GCNT1: variants seen among roughly 807,000 people sequenced by gnomAD.
The protein encoded by GCNT1 is glucosaminyl (N-acetyl) transferase 1.
In GCNT1, 16 loss-of-function variants were observed where a neutral mutation model predicts 26.2. The observed-to-expected ratio is 0.61, with a 90% CI of 0.41 to 0.93. The LOEUF (loss-of-function observed/expected upper bound fraction) is 0.93, where lower values mean the gene tolerates loss of function less well. Among genes scored for constraint, GCNT1 ranks in the 40% least tolerant of loss-of-function variants. The pLI, the probability that GCNT1 is intolerant of heterozygous loss-of-function variation, is 0.00. For missense variants in GCNT1, 477 were observed against 526.7 expected (o/e 0.91, Z 0.92); for synonymous variants, 183 against 190.8 (o/e 0.96, Z 0.34).
upstream of GCNT1, among the ~76,000 whole-genome samples, chr9:76,419,616 C>T (rs1000374798): frequency 6.6e-5 from 10 of 151,800 alleles, no homozygotes; most frequent in South Asian, 6.2e-4. Context: ...CAATATCATG[C>T]GACTACACTC....
intron 2 of GCNT1, among the ~76,000 whole-genome samples, chr9:76,495,672 A>G (rs901301450): frequency 3.3e-5 from 5 of 152,108 alleles, no homozygotes; most frequent in African/African-American, 1.2e-4. Context: ...TGCATTTACA[A>G]TCCTCGACCC....
chr9:76,460,967 A>G (rs1441484758), intron 2 of GCNT1, among the ~76,000 whole-genome samples: 1 of 152,126 alleles, frequency 6.6e-6, no homozygotes, highest in Non-Finnish European at 1.5e-5. Context: ...TTAAGGAGTT[A>G]CTCCTTTTCC....
Position 76,502,807 on chromosome 9 carries a change from C to A in GCNT1, c.426C>A (p.Ala142=). ...AAATGCTTGACAGGCTGCTGAGGGC[C>A]ATCTATATGCCTCAGAATTTCTATT... is the stretch of plus-strand genomic sequence containing the variant. ...KIEMLDRLLR[A]IYMPQNFYCI... is the part of the protein sequence containing the mutation. Residue 142 remains alanine (A), a synonymous_variant, in exon 4 of 4, where the codon GCC becomes GCA. Transcript: ENST00000376730. 6.2e-7 allele frequency: 1 copy of A among 1,614,016 alleles called. No homozygotes were observed. The highest frequency in any genetic ancestry group is 2.2e-5 in the East Asian group (1 of 44,882).
At chr9:76,484,652 G>A (rs1344677914) in intron 2 of GCNT1, among the ~76,000 whole-genome samples, 1 of 152,122 alleles carries the variant, frequency 6.6e-6, no homozygotes, top group African/African-American at 2.4e-5. Context: ...AGTGAAAAGG[G>A]TGCAGAATGG....
chr9:76,396,421 T>A, the GCNT1 span, among the ~76,000 whole-genome samples: 1 of 143,318 alleles, frequency 7.0e-6, no homozygotes, highest in Non-Finnish European at 1.5e-5. Context: ...GAGACTTCCG[T>A]CTATCCAAAA....
intron 1 of GCNT1, among the ~76,000 whole-genome samples, chr9:76,429,184 A>C (rs1027949939): frequency 6.6e-6 from 1 of 152,156 alleles, no homozygotes; most frequent in African/African-American, 2.4e-5. Flanking sequence ...GTACACTATA[A>C]TATACATTTC....
At chr9:76,490,794 C>T (rs532415523) in intron 2 of GCNT1, among the ~76,000 whole-genome samples, 29 of 152,282 alleles carry the variant, frequency 1.9e-4, no homozygotes, top group African/African-American at 6.3e-4. Flanking sequence ...TTACTGAATA[C>T]CCATTGTGTC....
intron 1 of GCNT1, among the ~76,000 whole-genome samples, chr9:76,453,438 CT>C (rs1339061925): frequency 2.6e-5 from 4 of 152,272 alleles, no homozygotes; most frequent in African/African-American, 9.6e-5. Flanking sequence ...CCAAAGAGGC[CT>C]TTGAGGTTCT....
chr9:76,472,288 A>G (rs139400135), intron 2 of GCNT1, among the ~76,000 whole-genome samples: 461 of 152,334 alleles, frequency 3.0e-3, no homozygotes, highest in Non-Finnish European at 5.1e-3. Flanking sequence ...GTCTCAAAGA[A>G]AAAAAGGAAA....
chr9:76,421,438 TA>T (rs1195650838), intron 1 of GCNT1, among the ~76,000 whole-genome samples: 1 of 150,694 alleles, frequency 6.6e-6, no homozygotes, highest in Non-Finnish European at 1.5e-5. Flanking sequence ...CATCTCTATT[TA>T]AAAAAAATAC....
chr9:76,399,954 A>G, the GCNT1 span, among the ~76,000 whole-genome samples: 2 of 152,230 alleles, frequency 1.3e-5, no homozygotes, highest in Non-Finnish European at 2.9e-5. Context: ...ACTGCATATT[A>G]CTAAGTGAAA....
rs57699869 is a variant in GCNT1, at chr9:76,444,385, C to T, written c.-290+2070C>T. 6.7e-3 allele frequency among the ~76,000 whole-genome samples: 1,026 copies of T among 152,106 alleles called. 10 individuals are homozygous for T. The highest frequency in any genetic ancestry group is 0.023 in the African/African-American group (961 of 41,478). On this transcript the variant is annotated intron_variant, in intron 1 of 2. Coordinates refer to the GCNT1 transcript ENST00000442371. ...AAAAGAAGAGATCTGAGGCCTGAGT[C>T]GTGAAGCTCTGCAGGGTTAAGAGGC...
chr9:76,460,516 G>T lies in GCNT1; in HGVS notation c.-290+339G>T, dbSNP rs141348415. Among the ~76,000 whole-genome samples the T allele has an allele frequency of 1.7e-4, 26 of 152,324 alleles. 1 individual carries two copies. In the East Asian group the frequency reaches 5.0e-3, roughly 29 times the overall value. On this transcript the variant is annotated intron_variant, in intron 2 of 3. Coordinates refer to ENST00000376730, the MANE Select transcript of GCNT1 (RefSeq NM_001490.5). ...GGAGGAGGGCTTAGTAGTTTTTAAAGATCAGTGTAAATTACCTGCTAGGAG... is the reference window on the plus strand; with the variant it reads ...GGAGGAGGGCTTAGTAGTTTTTAAATATCAGTGTAAATTACCTGCTAGGAG...
the GCNT1 span, among the ~76,000 whole-genome samples, chr9:76,406,513 AAG>A: frequency 6.6e-6 from 1 of 151,028 alleles, no homozygotes; most frequent in African/African-American, 2.4e-5. Context: ...AAAAAAAAAA[AAG>A]AAAGAAAGAA....
At chr9:76,492,222 C>T (rs1336307943) in intron 2 of GCNT1, among the ~76,000 whole-genome samples, 1 of 152,132 alleles carries the variant, frequency 6.6e-6, no homozygotes, top group Non-Finnish European at 1.5e-5. Context: ...TTGATTCCCT[C>T]CTCAAGCAGC....
In GCNT1 at chr9:76,506,990, C is replaced by T. The variant is rs1130268; in HGVS notation, c.*3322C>T. On this transcript the variant is annotated 3_prime_UTR_variant, in exon 4 of 4. Coordinates refer to ENST00000376730, the MANE Select transcript of GCNT1 (RefSeq NM_001490.5). ...AACCCATTATAATTTGAAAATATCA[C>T]ATTGAAAATGCATTTAATATCTCTT... The T allele has an allele frequency of 0.5, 83,120 of 166,862 alleles. 20,923 individuals are homozygous for T. The highest frequency in any genetic ancestry group is 0.64 in the East Asian group (3,312 of 5,172). The allele number at this position is 166,862 out of a possible 1,614,324, so 10.3% of individuals were successfully genotyped here.
At chr9:76,413,653 G>GTTTTTTTTTTTTTTGTTTTTTTTTTTT in the GCNT1 span, among the ~76,000 whole-genome samples, 1 of 118,664 alleles carries the variant, frequency 8.4e-6, no homozygotes, top group Non-Finnish European at 1.8e-5. Context: ...GTTTTGTTTT[G>GTTTTTTTTTTTTTTGTTTTTTTTTTTT]TTTTTTTTTT....
At chr9:76,449,052 G>T (rs1823621935) in intron 1 of GCNT1, among the ~76,000 whole-genome samples, 1 of 152,122 alleles carries the variant, frequency 6.6e-6, no homozygotes, top group Admixed American at 6.5e-5. Flanking sequence ...CCCAGGCTGG[G>T]CATGGTGGCA....
At chr9:76,497,949 A>G (rs540135688) in intron 2 of GCNT1, among the ~76,000 whole-genome samples, 1 of 151,608 alleles carries the variant, frequency 6.6e-6, no homozygotes, top group South Asian at 2.1e-4. Flanking sequence ...TACCTAGAGA[A>G]CTTTCAAAGG....
Sources: gnomAD v4.1 joint callset for allele counts (sites outside exome capture counted in the v4.1 genomes callset) on GRCh38, gnomAD v4.1.1 for gene constraint, MANE v1.5 for transcripts, NCBI Gene and HGNC (gene_info 2026-07-23, HGNC 2026-07-21) for gene names.